Variants in ATAD2 observed in about 807,000 individuals in gnomAD.
ATAD2 encodes ATPase family AAA domain containing 2.
Under a neutral mutation model 168.9 loss-of-function variants are expected in ATAD2, and 62 were observed. The ratio of observed to expected loss-of-function variants is 0.37; its 90% CI spans 0.30 to 0.45. The LOEUF is 0.45. ATAD2 is among the 20% of genes least tolerant of loss of function. The pLI, the probability that ATAD2 is intolerant of heterozygous loss-of-function variation, is 1.00. For synonymous variants in ATAD2, 613 were observed against 571.6 expected (o/e 1.07, Z -1.03); for missense variants, 1,419 against 1,667.8 (o/e 0.85, Z 2.60).
At chr8:123,406,125 C>T (rs1055826281) in intron 1 of ATAD2, among the ~76,000 whole-genome samples, 5 of 151,902 alleles carry the variant, frequency 3.3e-5, no homozygotes, top group African/African-American at 9.7e-5. Context: ...GCCTATAATC[C>T]CAGCACTTTG....
rs1327204446 is a variant in ATAD2, at chr8:123,402,047, A to G, written c.-2281-872T>C. The G allele has an allele frequency of 1.3e-6, 2 of 1,510,118 alleles. No homozygotes were observed. The highest frequency in any genetic ancestry group is 3.4e-5 in the Admixed American group (2 of 59,416). 93.5% of individuals were successfully genotyped at this position (1,510,118 alleles called of 1,614,324 possible). The stretch of plus-strand genomic sequence containing the variant: ...AGAGCTCAAGTTTGAGAAGCGTACC[A>G]TGTCGGCCCAGATTGAGGGTGGCGT... On this transcript the variant is annotated intron_variant, in intron 1 of 28. Transcript: ENST00000521903. The surrounding 1 kb of genome is among the most constrained non-coding windows in gnomAD (Gnocchi z 4.8).
At chr8:123,352,169 C>T (rs976731061) in intron 13 of ATAD2, 2 of 152,730 alleles carry the variant, frequency 1.3e-5, no homozygotes, top group Non-Finnish European at 1.5e-5. Context: ...CTCCCCTCAC[C>T]TCCTTGCTCT....
intron 24 of ATAD2, among the ~76,000 whole-genome samples, chr8:123,329,988 T>C (rs1472541937): frequency 1.7e-4 from 1 of 6,060 alleles, no homozygotes; most frequent in Non-Finnish European, 3.3e-3. Context: ...CTTCTTTTTT[T>C]TTTTTTTTTT....
At chr8:123,401,535 T>C in intron 1 of ATAD2, 2 of 1,557,690 alleles carry the variant, frequency 1.3e-6, no homozygotes, top group Non-Finnish European at 8.7e-7. Context: ...GGACGGGCTG[T>C]GTGTGGGCAT....
chr8:123,338,201 A>G (rs1484731365), intron 20 of ATAD2, among the ~76,000 whole-genome samples: 2 of 152,102 alleles, frequency 1.3e-5, no homozygotes, highest in African/African-American at 4.8e-5. Context: ...CTAAAAATAC[A>G]AAAAATTAGC....
intron 2 of ATAD2, among the ~76,000 whole-genome samples, chr8:123,375,580 T>C (rs780360846): frequency 1.3e-4 from 20 of 152,204 alleles, no homozygotes; most frequent in Non-Finnish European, 1.5e-5. Context: ...CATATCATTA[T>C]TCATAATGGC....
chr8:123,326,604 G>C (rs905727496), intron 25 of ATAD2, among the ~76,000 whole-genome samples: 4 of 152,100 alleles, frequency 2.6e-5, no homozygotes, highest in Non-Finnish European at 5.9e-5. Context: ...TTTGAGCCGA[G>C]GAGGCAGAAG....
chr8:123,398,629 A>T (rs1812958478), upstream of ATAD2, among the ~76,000 whole-genome samples: 1 of 152,152 alleles, frequency 6.6e-6, no homozygotes, highest in South Asian at 2.1e-4. Context: ...CTTCCACCTC[A>T]GCCTCCCTAG....
In ATAD2 at chr8:123,352,820, T is replaced by C. The variant is rs1368603808; in HGVS notation, c.1647-3376A>G. On this transcript the variant is annotated intron_variant, in intron 13 of 27. Transcript: ENST00000287394. ...GGCTCATGCCTGTAATCCCAGCACT[T>C]TGGGAGCCTGAGGTGGGAGGATCAC... 5.9e-5 allele frequency among the ~76,000 whole-genome samples: 9 copies of C among 152,066 alleles called. 2 individuals are homozygous for C. The East Asian group carries it at 1.4e-3, about 23-fold the overall frequency.
At chr8:123,400,445 G>C (rs527885147), upstream of ATAD2, 5 of 357,036 alleles carry the variant, frequency 1.4e-5, no homozygotes, top group African/African-American at 1.1e-4. This position sits in a 1 kb window ranked among gnomAD's most constrained non-coding sequence, Gnocchi z 4.5. Context: ...TGAGGTGGGA[G>C]GATCGCTTGA....
chr8:123,391,666 G>T (rs1829829569), intron 1 of ATAD2, among the ~76,000 whole-genome samples: 1 of 152,124 alleles, frequency 6.6e-6, no homozygotes, highest in Admixed American at 6.6e-5. Context: ...AGGGTGATCA[G>T]GGAGTGAAGT....
At chr8:123,401,849 C>T (rs916845844) in intron 1 of ATAD2, 27 of 761,066 alleles carry the variant, frequency 3.5e-5, no homozygotes, top group East Asian at 1.2e-4. Flanking sequence ...CAGCCAGGCA[C>T]GATACTTCAG....
intron 24 of ATAD2, among the ~76,000 whole-genome samples, chr8:123,332,279 G>A (rs1414967058): frequency 1.3e-5 from 2 of 151,990 alleles, no homozygotes; most frequent in African/African-American, 2.4e-5. Flanking sequence ...CCTCAAACTC[G>A]TATTATTCAA....
chr8:123,324,555 T>C (rs1827554447), intron 26 of ATAD2, among the ~76,000 whole-genome samples: 1 of 152,152 alleles, frequency 6.6e-6, no homozygotes, highest in African/African-American at 2.4e-5. Context: ...GGGTTCCAGA[T>C]GTAGGTTCAC....
upstream of ATAD2, chr8:123,401,354 A>C: frequency 7.1e-7 from 1 of 1,403,774 alleles, no homozygotes; most frequent in Non-Finnish European, 1.0e-6. Flanking sequence ...TACCGCCTGG[A>C]CCTGCTCACC....
rs1428541544 is a variant in ATAD2 at position 123,339,300 on chromosome 8, T to C, written c.2854+11A>G. The C allele has an allele frequency of 6.6e-6, 10 of 1,522,402 alleles. No individual in the cohort carries two copies. Among genetic ancestry groups the C allele is most frequent in the Admixed American group, 2.2e-5 (1 of 46,184 alleles). The allele number at this position is 1,522,402 out of a possible 1,614,324, so 94.3% of individuals were successfully genotyped here. ...AAATTATTAAATATTAACTTTGATA[T>C]AGAAACTAACCTGCTTTCTTTTTTG... On this transcript the variant is annotated intron_variant, in intron 20 of 27. Transcript: ENST00000287394.
chr8:123,408,491 G>A (rs1245296676), intron 1 of ATAD2, among the ~76,000 whole-genome samples: 2 of 152,000 alleles, frequency 1.3e-5, no homozygotes, highest in Non-Finnish European at 2.9e-5. Flanking sequence ...CATTAATGGT[G>A]GTCTCCCCTC....
chr8:123,362,530 C>T (rs1325248968), intron 8 of ATAD2, among the ~76,000 whole-genome samples: 1 of 151,786 alleles, frequency 6.6e-6, no homozygotes, highest in African/African-American at 2.4e-5. Flanking sequence ...ATTCTCCTGC[C>T]TCAGCCTCCC....
intron 24 of ATAD2, among the ~76,000 whole-genome samples, chr8:123,329,930 T>G (rs1038677808): frequency 3.3e-5 from 5 of 151,018 alleles, no homozygotes; most frequent in African/African-American, 1.2e-4. Context: ...AACTTTTAGG[T>G]AATAGAAATG....
Sources: gnomAD v4.1 joint callset for allele counts (sites outside exome capture counted in the v4.1 genomes callset) on GRCh38, gnomAD v4.1.1 for gene constraint, Gnocchi (gnomAD v3.1) non-coding constraint, MANE v1.5 for transcripts, NCBI Gene and HGNC (gene_info 2026-07-23, HGNC 2026-07-21) for gene names.